The following C4orf50 variants were observed in gnomAD, a reference collection of about 807,000 sequenced individuals.
C4orf50 encodes the protein uncharacterized protein C4orf50.
In C4orf50, 80 loss-of-function variants were observed where a neutral mutation model predicts 77.2. The ratio of observed to expected loss-of-function variants is 1.04; its 90% CI spans 0.87 to 1.25. The LOEUF is 1.25. Among genes scored for constraint, C4orf50 ranks in the 50% most tolerant of loss-of-function variants. The pLI, the probability that C4orf50 is intolerant of heterozygous loss-of-function variation, is 0.00. For missense variants in C4orf50, 1,257 were observed against 1,152.9 expected (o/e 1.09, Z -1.31); for synonymous variants, 532 against 465.3 (o/e 1.14, Z -1.84).
chr4:5,987,231 G>A (rs1471624747), intron 28 of C4orf50, among the ~76,000 whole-genome samples: 1 of 151,374 alleles, frequency 6.6e-6, no homozygotes, highest in Non-Finnish European at 1.5e-5. Flanking sequence ...GGCAACATGG[G>A]GAAACCCCGT....
intron 25 of C4orf50, among the ~76,000 whole-genome samples, chr4:5,997,564 C>T (rs1325298218): frequency 6.6e-6 from 1 of 152,216 alleles, no homozygotes; most frequent in Non-Finnish European, 1.5e-5. Context: ...GCCTCCCTGC[C>T]TGCTCTATCA....
chr4:5,917,406 C>CTTTTTT (rs34928524), intron 7 of C4orf50, among the ~76,000 whole-genome samples: 6 of 86,402 alleles, frequency 6.9e-5, no homozygotes, highest in Non-Finnish European at 1.2e-4. Context: ...TCCTGTATTT[C>CTTTTTT]TTTTTTTTTT....
chr4:5,910,339 A>G (rs1356002759), intron 7 of C4orf50, among the ~76,000 whole-genome samples: 1 of 152,208 alleles, frequency 6.6e-6, no homozygotes, highest in Non-Finnish European at 1.5e-5. Flanking sequence ...GATAGTTAGC[A>G]TTTCTCATAG....
rs1226072891 is a variant in C4orf50 at position 6,018,426 on chromosome 4, C to T, written c.6G>A (p.Glu2=). The change falls in exon 23 of 34, where the codon GAG becomes GAA. Residue 2 remains glutamate (E), a synonymous_variant. Transcript: ENST00000531445. This position sits in a 1 kb window ranked among gnomAD's most constrained non-coding sequence, Gnocchi z 5.1. ...CCTCAGTCCGTCCCTTGGCTGTTGG[C>T]TCCATCTCAGAAATATTTCATGGGG... is the stretch of plus-strand genomic sequence containing the variant. The T allele has an allele frequency of 5.0e-6, 2 of 398,888 alleles. No individual in the cohort carries two copies. The highest frequency in any genetic ancestry group is 8.8e-6 in the Non-Finnish European group (2 of 226,076). The allele number at this position is 398,888 out of a possible 1,614,324, so 24.7% of individuals were successfully genotyped here.
intron 32 of C4orf50, among the ~76,000 whole-genome samples, chr4:5,966,932 G>A (rs1410874636): frequency 1.3e-5 from 2 of 152,234 alleles, no homozygotes; most frequent in Non-Finnish European, 1.5e-5. Context: ...ACAGGCGTGA[G>A]CCACTGCGCC....
At chr4:5,989,645 G>T in exon 28 of C4orf50, 1 of 1,536,150 alleles carries the variant, frequency 6.5e-7, no homozygotes, top group East Asian at 2.4e-5. Flanking sequence ...TCGATTGTGA[G>T]TGCACACCTG....
At chr4:5,921,847 A>G (rs1297694297) in intron 7 of C4orf50, among the ~76,000 whole-genome samples, 1 of 152,112 alleles carries the variant, frequency 6.6e-6, no homozygotes, top group African/African-American at 2.4e-5. Flanking sequence ...GGAGGTGAGG[A>G]AATGGGGCCA....
chr4:6,010,394 C>G (rs555533798), intron 24 of C4orf50, among the ~76,000 whole-genome samples: 1 of 152,300 alleles, frequency 6.6e-6, no homozygotes, highest in East Asian at 1.9e-4. Context: ...CCTTATCTTT[C>G]CACTTCCACT....
At position 5,987,159 on chromosome 4, in the gene C4orf50, C is replaced by T. The variant is rs567032629; in HGVS notation, c.3699+1188G>A. Among the ~76,000 whole-genome samples, 8 of 151,870 alleles carry T rather than the reference C, an allele frequency of 5.3e-5. No individual in the cohort carries two copies. In the East Asian group the frequency reaches 1.4e-3, roughly 26 times the overall value. ...CGTACGGTGGCGCATGCCTGTAATC[C>T]TAGCACTTTGGGAGGCCTAGGTGGG... is the stretch of plus-strand genomic sequence containing the variant. On this transcript the variant is annotated intron_variant, in intron 28 of 33. Transcript: ENST00000531445.
At chr4:5,922,211 C>T (rs948541087) in intron 7 of C4orf50, among the ~76,000 whole-genome samples, 1 of 152,148 alleles carries the variant, frequency 6.6e-6, no homozygotes, top group Non-Finnish European at 1.5e-5. Flanking sequence ...AGTGGTGGGC[C>T]GGGGCCCACT....
downstream of C4orf50, among the ~76,000 whole-genome samples, chr4:5,952,203 A>T (rs962340310): frequency 4.6e-5 from 7 of 152,308 alleles, no homozygotes; most frequent in African/African-American, 1.7e-4. This position sits in a 1 kb window ranked among gnomAD's most constrained non-coding sequence, Gnocchi z 4.4. Context: ...GGTGGAGGCG[A>T]CAAGACCTAC....
chr4:5,978,538 A>G (rs1388776941), intron 29 of C4orf50, among the ~76,000 whole-genome samples: 5 of 152,250 alleles, frequency 3.3e-5, no homozygotes, highest in African/African-American at 9.6e-5. Context: ...TGAAGTTTCC[A>G]CACACACCCC....
intron 25 of C4orf50, among the ~76,000 whole-genome samples, chr4:5,999,099 C>G (rs1721718957): frequency 6.6e-6 from 1 of 152,218 alleles, no homozygotes; most frequent in Non-Finnish European, 1.5e-5. Flanking sequence ...CCCCGGCTAC[C>G]TTGCAGAGTT....
intron 7 of C4orf50, among the ~76,000 whole-genome samples, chr4:5,951,569 T>G (rs975402516): frequency 6.6e-6 from 1 of 152,212 alleles, no homozygotes; most frequent in Non-Finnish European, 1.5e-5. Flanking sequence ...GGAAGTCACT[T>G]TATCTATGAG....
intron 31 of C4orf50, among the ~76,000 whole-genome samples, chr4:5,972,020 T>TG (rs1719957179): frequency 6.6e-6 from 1 of 151,852 alleles, no homozygotes; most frequent in African/African-American, 2.4e-5. Context: ...TTTTTTTTTT[T>TG]TTTTTGACAC....
chr4:5,973,821 G>A, exon 31 of C4orf50: 1 of 1,612,424 alleles, frequency 6.2e-7, no homozygotes, highest in Non-Finnish European at 8.5e-7. Flanking sequence ...GGCACTTCCG[G>A]ACGAGGGAAG....
chr4:5,900,580 G>A lies in C4orf50; in HGVS notation c.*2475-2392C>T, dbSNP rs1716302673. 6.6e-6 allele frequency: 1 copy of A among 152,214 alleles called. No homozygotes were observed. The allele number at this position is 152,214 out of a possible 1,614,324, so 9.4% of individuals were successfully genotyped here. On this transcript the variant is annotated intron_variant, in intron 7 of 7. Coordinates refer to the C4orf50 transcript ENST00000324058. This position sits in a 1 kb window ranked among gnomAD's most constrained non-coding sequence, Gnocchi z 4.3. ...ATGCCATATAGATTGCAACCCAGTA[G>A]AAAACTAATTGCATCAGACCAAGAC...
chr4:5,950,935 A>G (rs1340408572), intron 7 of C4orf50, among the ~76,000 whole-genome samples: 1 of 152,244 alleles, frequency 6.6e-6, no homozygotes, highest in Non-Finnish European at 1.5e-5. Context: ...GCATTAAGGC[A>G]GTGACAAGAG....
chr4:5,903,845 C>A (rs994263386), intron 7 of C4orf50: 1 of 152,128 alleles, frequency 6.6e-6, no homozygotes, highest in African/African-American at 2.4e-5. Flanking sequence ...AAGTATCCAG[C>A]TCAGTGGCAC....
Sources: allele counts gnomAD v4.1 joint callset (sites outside exome capture counted in the v4.1 genomes callset), GRCh38; gene constraint gnomAD v4.1.1; non-coding constraint Gnocchi (gnomAD v3.1); transcripts MANE v1.5; gene names NCBI Gene and HGNC (gene_info 2026-07-23, HGNC 2026-07-21).